Variants in AGAP1 observed in about 807,000 individuals in gnomAD.
AGAP1 encodes the protein ArfGAP with GTPase domain, ankyrin repeat and PH domain 1, also known as arf-GAP with GTPase, ANK repeat and PH domain-containing protein 1.
A neutral mutation model predicts 105.3 loss-of-function variants in AGAP1; 29 were observed. The ratio of observed to expected loss-of-function variants is 0.28; its 90% CI spans 0.21 to 0.38. The LOEUF is 0.38. Ranked by LOEUF, AGAP1 falls within the 10% of genes least tolerant of loss-of-function variation. The pLI, the probability that AGAP1 is intolerant of heterozygous loss-of-function variation, is 1.00. For synonymous variants in AGAP1, 509 were observed against 485.9 expected (o/e 1.05, Z -0.63); for missense variants, 998 against 1,165.1 (o/e 0.86, Z 2.09).
intron 6 of AGAP1, among the ~76,000 whole-genome samples, chr2:235,766,287 T>A (rs980668972): frequency 3.3e-5 from 5 of 152,146 alleles, no homozygotes; most frequent in Non-Finnish European, 7.4e-5. Flanking sequence ...ACAGAATATG[T>A]GGGTAACAGG....
chr2:235,844,488 A>G (rs1189607072), intron 9 of AGAP1, among the ~76,000 whole-genome samples: 1 of 152,176 alleles, frequency 6.6e-6, no homozygotes, highest in Non-Finnish European at 1.5e-5. Context: ...CCAAAAATCT[A>G]TTATGCACTT....
At chr2:235,926,467 T>G (rs1307722299) in intron 11 of AGAP1, among the ~76,000 whole-genome samples, 1 of 152,226 alleles carries the variant, frequency 6.6e-6, no homozygotes, top group Non-Finnish European at 1.5e-5. Context: ...CCTCAGAGTT[T>G]AAGCAGATGT....
Position 235,843,688 on chromosome 2 carries a change from C to T in AGAP1, c.1050+36357C>T, listed in dbSNP as rs1323063743. ...ATCTCTGTTTTAAGGCCAGCTCTCC[C>T]TAGATGTGTAGCCACTGGGATCTTT... On this transcript the variant is annotated intron_variant, in intron 9 of 17. Transcript: ENST00000304032. This position sits in a 1 kb window ranked among gnomAD's most constrained non-coding sequence, Gnocchi z 5.9. Among the ~76,000 whole-genome samples, 1 of 152,194 alleles carries T rather than the reference C, an allele frequency of 6.6e-6. No individual in the cohort carries two copies. The highest frequency in any genetic ancestry group is 6.5e-5 in the Admixed American group (1 of 15,284).
chr2:235,503,290 G>C (rs1941643468), intron 1 of AGAP1, among the ~76,000 whole-genome samples: 1 of 152,198 alleles, frequency 6.6e-6, no homozygotes, highest in African/African-American at 2.4e-5. Context: ...ATTTTCCAGG[G>C]AGGGCGTTTC....
At chr2:236,021,033 G>A (rs1406368884) in intron 13 of AGAP1, among the ~76,000 whole-genome samples, 4 of 152,058 alleles carry the variant, frequency 2.6e-5, no homozygotes, top group African/African-American at 9.7e-5. Context: ...GGGCATGGTG[G>A]TGCGTGCCTG....
At chr2:235,653,231 C>A (rs577298795) in intron 1 of AGAP1, among the ~76,000 whole-genome samples, 2 of 152,192 alleles carry the variant, frequency 1.3e-5, no homozygotes, top group East Asian at 3.9e-4. Context: ...TTTGGGAGGC[C>A]AAGGCGGGCG....
At chr2:236,028,164 A>ACAG (rs1363182129) in intron 13 of AGAP1, among the ~76,000 whole-genome samples, 2 of 152,086 alleles carry the variant, frequency 1.3e-5, no homozygotes, top group African/African-American at 2.4e-5. Flanking sequence ...CTTTACCTGA[A>ACAG]GCTGGTGCCC....
intron 1 of AGAP1, among the ~76,000 whole-genome samples, chr2:235,558,610 C>T (rs1207500715): frequency 6.6e-6 from 1 of 152,188 alleles, no homozygotes; most frequent in Non-Finnish European, 1.5e-5. Context: ...TACTTTCCCC[C>T]ACACTGAGTT....
At chr2:235,773,047 A>T (rs563418057) in intron 6 of AGAP1, among the ~76,000 whole-genome samples, 27 of 152,324 alleles carry the variant, frequency 1.8e-4, no homozygotes, top group African/African-American at 6.0e-4. Context: ...TGAGCAAAGA[A>T]TTGAACAAAA....
At chr2:235,985,624 AAAAGGT>A (rs1235649261) in intron 13 of AGAP1, among the ~76,000 whole-genome samples, 2 of 152,176 alleles carry the variant, frequency 1.3e-5, no homozygotes, top group African/African-American at 4.8e-5. Flanking sequence ...TAATTTTTGT[AAAAGGT>A]GTAAGGAAGG....
intron 1 of AGAP1, among the ~76,000 whole-genome samples, chr2:235,652,487 A>G (rs1017125844): frequency 3.9e-5 from 6 of 152,156 alleles, no homozygotes; most frequent in South Asian, 2.1e-4. Context: ...AGCAGCCTCT[A>G]TCTGTCTGGG....
intron 12 of AGAP1, among the ~76,000 whole-genome samples, chr2:235,933,433 A>T: frequency 6.6e-6 from 1 of 152,198 alleles, no homozygotes; most frequent in East Asian, 1.9e-4. Flanking sequence ...TTGGGAGCTG[A>T]CATTTTACAG....
intron 3 of AGAP1, among the ~76,000 whole-genome samples, chr2:235,738,249 A>G (rs1952366629): frequency 6.6e-6 from 1 of 152,092 alleles, no homozygotes; most frequent in Middle Eastern, 3.4e-3. Context: ...GGTGAGATAA[A>G]TGGGGCAGGG....
intron 13 of AGAP1, among the ~76,000 whole-genome samples, chr2:235,999,879 T>G (rs1324291870): frequency 1.2e-4 from 18 of 152,078 alleles, no homozygotes; most frequent in Non-Finnish European, 1.5e-5. Flanking sequence ...TTCATTAAAC[T>G]TGTAAGTCAC....
At chr2:235,837,683 G>A (rs999707810) in intron 9 of AGAP1, among the ~76,000 whole-genome samples, 6 of 152,164 alleles carry the variant, frequency 3.9e-5, no homozygotes, top group African/African-American at 1.2e-4. Context: ...AGTTACTATT[G>A]TCATGATCTC....
At chr2:236,117,656 A>C (rs1327619618) in intron 16 of AGAP1, among the ~76,000 whole-genome samples, 1 of 152,214 alleles carries the variant, frequency 6.6e-6, no homozygotes, top group Non-Finnish European at 1.5e-5. Context: ...CCAAAAAATG[A>C]GAGTTAGCAA....
chr2:235,884,197 T>C (rs2050160151), intron 10 of AGAP1, among the ~76,000 whole-genome samples: 1 of 152,182 alleles, frequency 6.6e-6, no homozygotes, highest in Admixed American at 6.5e-5. Context: ...AGTCATTTGA[T>C]TCCATTGTCC....
At chr2:235,656,578 G>A (rs1180204721) in intron 1 of AGAP1, among the ~76,000 whole-genome samples, 1 of 151,956 alleles carries the variant, frequency 6.6e-6, no homozygotes, top group Non-Finnish European at 1.5e-5. Context: ...CCACTCACCG[G>A]GTCACTCTCT....
intron 10 of AGAP1, among the ~76,000 whole-genome samples, chr2:235,886,895 G>A (rs1042918693): frequency 2.7e-5 from 4 of 145,580 alleles, no homozygotes; most frequent in South Asian, 2.1e-4. Context: ...ATACGAGTCC[G>A]TTCTGTTGTG....
Sources: gnomAD v4.1 joint callset for allele counts (sites outside exome capture counted in the v4.1 genomes callset) on GRCh38, gnomAD v4.1.1 for gene constraint, Gnocchi (gnomAD v3.1) non-coding constraint, MANE v1.5 for transcripts, NCBI Gene and HGNC (gene_info 2026-07-23, HGNC 2026-07-21) for gene names.